Variants in EDAR observed in about 807,000 individuals in gnomAD.
EDAR encodes tumor necrosis factor receptor superfamily member EDAR.
In EDAR, 38 loss-of-function variants were observed where a neutral mutation model predicts 51.3. That is an observed-to-expected ratio of 0.74 (90% confidence interval 0.57 to 0.97). EDAR has a LOEUF of 0.97. Ranked by LOEUF, EDAR falls within the 50% of genes least tolerant of loss-of-function variation. The pLI is 0.00. For missense variants in EDAR, 528 were observed against 595.0 expected, an observed-to-expected ratio of 0.89 and a Z score of 1.17; for synonymous variants, 227 against 242.1, an observed-to-expected ratio of 0.94 and a Z score of 0.58.
In EDAR at chr2:108,895,504, T is replaced by C. The variant is rs1277562582; in HGVS notation, c.*1403A>G. 8 of 152,250 alleles carry C rather than the reference T, an allele frequency of 5.3e-5. No individual in the cohort carries two copies. Among genetic ancestry groups the C allele is most frequent in the Admixed American group, 5.2e-4 (8 of 15,286 alleles). 9.4% of individuals were successfully genotyped at this position (152,250 alleles called of 1,614,324 possible). A position where few individuals can be genotyped will look rare whatever the true frequency, so the allele number is the denominator to read the frequency against. On this transcript the variant is annotated 3_prime_UTR_variant, in exon 12 of 12. Coordinates refer to ENST00000258443, the MANE Select transcript of EDAR (RefSeq NM_022336.4). ...ATTAACTTTCTGCCTATAAATGTTA[T>C]GTCAAACCATTGCAGTTATTGTGAA...
chr2:108,969,287 G>A (rs1698199432), intron 1 of EDAR, among the ~76,000 whole-genome samples: 1 of 151,796 alleles, frequency 6.6e-6, no homozygotes, highest in African/African-American at 2.4e-5. Flanking sequence ...TATGCACTTT[G>A]ATTCTGTCTT....
Position 108,896,764 on chromosome 2 carries a change from T to C in EDAR, c.*143A>G. 1 of 784,794 alleles carries C rather than the reference T, an allele frequency of 1.3e-6. No homozygotes were observed. The highest frequency in any genetic ancestry group is 2.0e-6 in the Non-Finnish European group (1 of 500,210). The allele number at this position is 784,794 out of a possible 1,614,324, so 48.6% of individuals were successfully genotyped here. On this transcript the variant is annotated 3_prime_UTR_variant, in exon 12 of 12. Coordinates refer to ENST00000258443, the MANE Select transcript of EDAR (RefSeq NM_022336.4). Reference sequence around the variant, plus strand: ...AAATTGGAAGACAGGCCTTATTTCGTCTGGCTCCTTGAACATCCTAAGGCA... The same window carrying C: ...AAATTGGAAGACAGGCCTTATTTCGCCTGGCTCCTTGAACATCCTAAGGCA...
At chr2:108,960,258 A>G (rs1460594089) in intron 1 of EDAR, among the ~76,000 whole-genome samples, 1 of 152,176 alleles carries the variant, frequency 6.6e-6, no homozygotes, top group African/African-American at 2.4e-5. Context: ...GGATCCCCCA[A>G]GGTTTTAACT....
intron 5 of EDAR, among the ~76,000 whole-genome samples, chr2:108,922,958 T>A (rs1289736187): frequency 6.6e-6 from 1 of 152,216 alleles, no homozygotes; most frequent in Admixed American, 6.5e-5. Context: ...ACATTTATAT[T>A]TTCCTTGGCC....
chr2:108,929,983 C>T (rs926421896), intron 3 of EDAR, 137 bp downstream of exon 3: 49 of 1,075,406 alleles, frequency 4.6e-5, no homozygotes, highest in East Asian at 2.1e-4. Flanking sequence ...TCAATCTCAA[C>T]GTCCAGGGAG....
chr2:108,954,824 C>T (rs931506482), intron 1 of EDAR, among the ~76,000 whole-genome samples: 5 of 151,964 alleles, frequency 3.3e-5, no homozygotes, highest in African/African-American at 1.2e-4. Context: ...TACAGGCGCC[C>T]GCCACCATGG....
chr2:108,964,442 A>G (rs1698110901), intron 1 of EDAR, among the ~76,000 whole-genome samples: 1 of 152,146 alleles, frequency 6.6e-6, no homozygotes, highest in Admixed American at 6.5e-5. Flanking sequence ...TCTTTCCCTA[A>G]ACTGAAGAGG....
At chr2:108,909,570 G>T (rs1696876831) in intron 9 of EDAR, among the ~76,000 whole-genome samples, 1 of 152,218 alleles carries the variant, frequency 6.6e-6, no homozygotes, top group South Asian at 2.1e-4. Context: ...TGTTGCGGGG[G>T]TGTCCTTCCA....
intron 1 of EDAR, among the ~76,000 whole-genome samples, chr2:108,985,764 T>C (rs1225714087): frequency 6.6e-6 from 1 of 152,236 alleles, no homozygotes; most frequent in African/African-American, 2.4e-5. Flanking sequence ...TGTTTGCTTA[T>C]TGACTTAGGG....
chr2:108,897,267 C>G, intron 11 of EDAR, 38 bp from the exon 12 acceptor site: 2 of 1,570,836 alleles, frequency 1.3e-6, no homozygotes, highest in Non-Finnish European at 1.8e-6. Flanking sequence ...TGTTGCAAGT[C>G]ACAGTCAATA....
At chr2:108,934,926 C>T (rs1697437153) in intron 1 of EDAR, among the ~76,000 whole-genome samples, 1 of 152,226 alleles carries the variant, frequency 6.6e-6, no homozygotes, top group Admixed American at 6.5e-5. Flanking sequence ...TGCTGCTTAA[C>T]TTGTGGAACT....
intron 1 of EDAR, among the ~76,000 whole-genome samples, chr2:108,945,109 C>T (rs557346610): frequency 2.3e-4 from 35 of 152,204 alleles, no homozygotes; most frequent in Admixed American, 1.3e-3. Flanking sequence ...TGTATGTGGG[C>T]GCTGCCTGTC....
At chr2:108,901,334 C>T (rs1383706844) in intron 11 of EDAR, among the ~76,000 whole-genome samples, 2 of 151,982 alleles carry the variant, frequency 1.3e-5, no homozygotes, top group South Asian at 4.2e-4. Flanking sequence ...TAAAGTAGTA[C>T]TGAGAGTGAA....
chr2:108,931,002 CCA>C lies in EDAR; in HGVS notation c.11_12del (p.Val4GlyfsTer29). 6.2e-7 allele frequency: 1 copy of C among 1,614,016 alleles called. No individual in the cohort carries two copies. The highest frequency in any genetic ancestry group is 8.5e-7 in the Non-Finnish European group (1 of 1,180,038). ...AGCCAGGGCGTCTGCGTGCAGTCCC[CCA>C]CATGGGCCATCCTCTCCCAAGGGCT... MAH[V>X]GDCTQTPWLP... On this transcript the variant is annotated frameshift_variant, in exon 2 of 12. Coordinates refer to ENST00000258443, the MANE Select transcript of EDAR (RefSeq NM_022336.4). LOFTEE classifies it high-confidence loss of function.
At chr2:108,920,353 T>G (rs2105424532) in intron 5 of EDAR, among the ~76,000 whole-genome samples, 1 of 152,348 alleles carries the variant, frequency 6.6e-6, no homozygotes, top group South Asian at 2.1e-4. Flanking sequence ...GGACCCTATC[T>G]TCCTCTCTGT....
intron 1 of EDAR, among the ~76,000 whole-genome samples, chr2:108,973,784 T>C (rs1234052474): frequency 6.6e-6 from 1 of 152,004 alleles, no homozygotes; most frequent in Non-Finnish European, 1.5e-5. Context: ...AACGAAAACA[T>C]CATCAGAGTT....
intron 1 of EDAR, among the ~76,000 whole-genome samples, chr2:108,952,244 G>C (rs1697840033): frequency 6.6e-6 from 1 of 152,176 alleles, no homozygotes; most frequent in African/African-American, 2.4e-5. Context: ...GGGGCAGCTT[G>C]TTGATTGATT....
At chr2:108,911,569 G>A (rs538136911) in intron 6 of EDAR, among the ~76,000 whole-genome samples, 2 of 152,300 alleles carry the variant, frequency 1.3e-5, no homozygotes, top group Admixed American at 6.5e-5. Context: ...GGGGTGCCTC[G>A]GCTGGGCCAC....
intron 1 of EDAR, among the ~76,000 whole-genome samples, chr2:108,976,990 TAAGATGAA>T (rs1256877186): frequency 6.6e-6 from 1 of 152,114 alleles, no homozygotes; most frequent in Non-Finnish European, 1.5e-5. Flanking sequence ...TGACAAATGC[TAAGATGAA>T]AAGGTGTCTG....
Sources: allele counts gnomAD v4.1 joint callset (sites outside exome capture counted in the v4.1 genomes callset), GRCh38; gene constraint gnomAD v4.1.1; transcripts MANE v1.5; gene names NCBI Gene and HGNC (gene_info 2026-07-23, HGNC 2026-07-21).